The following C1QB variants were observed in gnomAD, a reference collection of about 807,000 sequenced individuals.
C1QB encodes the protein complement C1q subcomponent subunit B.
In C1QB, 2 loss-of-function variants were observed where a neutral mutation model predicts 4.6. The observed-to-expected ratio is 0.43, with a 90% CI of 0.18 to 1.36. The LOEUF is 1.36. Among genes scored for constraint, C1QB ranks in the 40% most tolerant of loss-of-function variants. C1QB has a pLI of 0.28. For missense variants in C1QB, 292 were observed against 338.0 expected (o/e 0.86, Z 1.07); for synonymous variants, 132 against 137.1 (o/e 0.96, Z 0.26).
intron 1 of C1QB, among the ~76,000 whole-genome samples, chr1:22,657,417 T>G (rs1485333390): frequency 6.6e-6 from 1 of 152,240 alleles, no homozygotes; most frequent in African/African-American, 2.4e-5. Context: ...AATGAAGTAC[T>G]GATACATGCT....
At chr1:22,659,689 C>A (rs1317857749) in intron 2 of C1QB, 46 bp downstream of exon 2, 27 of 1,562,418 alleles carry the variant, frequency 1.7e-5, no homozygotes, top group Non-Finnish European at 2.3e-5. Context: ...ACCAAATTTC[C>A]CGTCTCCTGC....
intron 1 of C1QB, among the ~76,000 whole-genome samples, chr1:22,657,022 T>G (rs960310901): frequency 6.6e-6 from 1 of 152,170 alleles, no homozygotes; most frequent in African/African-American, 2.4e-5. Context: ...CCGAGGAACC[T>G]CCTCGTGTTC....
chr1:22,654,050 G>T (rs1381936600), intron 1 of C1QB: 1 of 152,290 alleles, frequency 6.6e-6, no homozygotes, highest in African/African-American at 2.4e-5. Context: ...GCTCAGAGAG[G>T]TTAAGGCACT....
At position 22,658,800 on chromosome 1, in the gene C1QB, A is replaced by G. The variant is rs569184832; in HGVS notation, c.-23-640A>G. Among the ~76,000 whole-genome samples, 6 of 151,240 alleles carry G rather than the reference A, an allele frequency of 4.0e-5. No individual in the cohort carries two copies. In the South Asian group the frequency reaches 1.0e-3, roughly 26 times the overall value. ...GATGCAGGGGCAGAAGGATGGATGG[A>G]TGGATGGATGGAGGGTGGATGGATG... On this transcript the variant is annotated intron_variant, in intron 1 of 2. Transcript: ENST00000509305.
In C1QB at chr1:22,660,971, A is replaced by T. The variant is rs1307307662; in HGVS notation, c.341A>T (p.Tyr114Phe). Residue 114 changes from tyrosine (Y) to phenylalanine (F), a missense_variant, in exon 3 of 3, where the codon TAC becomes TTC. By Grantham distance (22) the Tyr-to-Phe change is conservative. Transcript: ENST00000509305. ...GGCCCCAAAGGTGAATCGGGAGACT[A>T]CAAGGCCACCCAGAAAATCGCCTTC... ...APGPKGESGDYKATQKIAFSA... is the reference protein window; with the variant it reads ...APGPKGESGDFKATQKIAFSA... 5 of 1,613,866 alleles carry T rather than the reference A, an allele frequency of 3.1e-6. No individual in the cohort carries two copies. Among genetic ancestry groups the T allele is most frequent in the Non-Finnish European group, 4.2e-6 (5 of 1,179,988 alleles).
At chr1:22,659,346 AGATGGATGGATGGATGGATG>A (rs140338008) in intron 1 of C1QB, 74 bp from the exon 2 acceptor site, 23 of 859,764 alleles carry the variant, frequency 2.7e-5, no homozygotes, top group African/African-American at 2.0e-4. Flanking sequence ...AGGAATAGAG[AGATGGATGGATGGATGGATG>A]GATGGATGGA....
At chr1:22,654,850 A>T (rs529548076) in intron 1 of C1QB, among the ~76,000 whole-genome samples, 1 of 152,232 alleles carries the variant, frequency 6.6e-6, no homozygotes, top group Non-Finnish European at 1.5e-5. Context: ...AACACTGACC[A>T]TGTGCCTACC....
intron 1 of C1QB, 47 bp from the exon 2 acceptor site, chr1:22,659,386 GGATGGAT>G: frequency 6.7e-7 from 1 of 1,482,868 alleles, no homozygotes; most frequent in Non-Finnish European, 9.4e-7. Flanking sequence ...ATGGATGGAT[GGATGGAT>G]GATAGGATCA....
intron 2 of C1QB, 149 bp from the exon 3 acceptor site, chr1:22,660,663 G>A: frequency 1.3e-6 from 1 of 764,186 alleles, no homozygotes; most frequent in Non-Finnish European, 2.2e-6. Flanking sequence ...GCTGGAGGGA[G>A]ACCCAGAGCC....
rs1412378683 is a variant in C1QB at position 22,660,943 on chromosome 1, C to T, written c.313C>T (p.Pro105Ser). The stretch of plus-strand genomic sequence containing the variant: ...AGGTGGCCCAGGGGCCCCTGGAGCC[C>T]CAGGCCCCAAAGGTGAATCGGGAGA... ...PKGGPGAPGA[P>S]GPKGESGDYK... Residue 105 changes from proline (P) to serine (S), a missense_variant, in exon 3 of 3, where the codon CCA becomes TCA. Coordinates refer to ENST00000509305, the MANE Select transcript of C1QB (RefSeq NM_001378156.1). 1 of 1,613,602 alleles carries T rather than the reference C, an allele frequency of 6.2e-7. No individual in the cohort carries two copies. Among genetic ancestry groups the T allele is most frequent in the Non-Finnish European group, 8.5e-7 (1 of 1,179,856 alleles).
chr1:22,660,350 C>T (rs960627095), intron 2 of C1QB, among the ~76,000 whole-genome samples: 26 of 152,148 alleles, frequency 1.7e-4, no homozygotes, highest in Non-Finnish European at 2.2e-4. Flanking sequence ...ACTGGAAAAT[C>T]GGTCTTATCT....
intron 1 of C1QB, among the ~76,000 whole-genome samples, 156 bp from the exon 2 acceptor site, chr1:22,659,276 AGATGGAGG>A: frequency 7.8e-6 from 1 of 128,124 alleles, no homozygotes; most frequent in Non-Finnish European, 1.6e-5. Context: ...GGACGGATGC[AGATGGAGG>A]GATAGAGAGA....
intron 1 of C1QB, among the ~76,000 whole-genome samples, chr1:22,658,742 G>C (rs1002952705): frequency 6.6e-6 from 1 of 152,000 alleles, no homozygotes; most frequent in Non-Finnish European, 1.5e-5. Context: ...ATGGATGAAC[G>C]GATGGATGGA....
chr1:22,655,768 G>T (rs763716253), intron 1 of C1QB, among the ~76,000 whole-genome samples: 1 of 152,170 alleles, frequency 6.6e-6, no homozygotes, highest in Non-Finnish European at 1.5e-5. Flanking sequence ...CCCATCCATG[G>T]TCTCACCTGG....
At chr1:22,655,786 T>C (rs1316076477) in intron 1 of C1QB, among the ~76,000 whole-genome samples, 1 of 152,166 alleles carries the variant, frequency 6.6e-6, no homozygotes, top group African/African-American at 2.4e-5. Flanking sequence ...TGGGTCCCTG[T>C]GGCCACTCTG....
Position 22,661,476 on chromosome 1 carries a change from C to T in C1QB, c.*90C>T. On this transcript the variant is annotated 3_prime_UTR_variant, in exon 3 of 3. Coordinates refer to ENST00000509305, the MANE Select transcript of C1QB (RefSeq NM_001378156.1). ...CCACCCCTTGCCCAACCAATGCACA[C>T]AGTAGGGCTTGGTGAATGCTGCTGA... is the stretch of plus-strand genomic sequence containing the variant. 6.9e-7 allele frequency: 1 copy of T among 1,442,378 alleles called. No homozygotes were observed. Among genetic ancestry groups the T allele is most frequent in the Non-Finnish European group, 9.7e-7 (1 of 1,030,270 alleles). 89.3% of individuals were successfully genotyped at this position (1,442,378 alleles called of 1,614,324 possible).
chr1:22,655,466 C>A (rs1180141844), intron 1 of C1QB, among the ~76,000 whole-genome samples: 3 of 149,246 alleles, frequency 2.0e-5, no homozygotes, highest in Non-Finnish European at 4.4e-5. Flanking sequence ...TATCAGTAGG[C>A]CTTGTCTGGT....
chr1:22,660,897 C>A lies in C1QB; in HGVS notation c.267C>A (p.Pro89=). ...CTGGGAATCCAGGAAAAGTCGGCCC[C>A]AAGGGCCCCATGGGCCCTAAAGGTG... ...GIPGNPGKVG[P]KGPMGPKGGP... is the part of the protein sequence containing the mutation. Residue 89 remains proline (P), a synonymous_variant, in exon 3 of 3, where the codon CCC becomes CCA. Coordinates refer to ENST00000509305, the MANE Select transcript of C1QB (RefSeq NM_001378156.1). 1 of 1,613,168 alleles carries A rather than the reference C, an allele frequency of 6.2e-7. No homozygotes were observed. The highest frequency in any genetic ancestry group is 8.5e-7 in the Non-Finnish European group (1 of 1,179,718).
At chr1:22,657,826 C>A (rs913141416) in intron 1 of C1QB, among the ~76,000 whole-genome samples, 5 of 152,182 alleles carry the variant, frequency 3.3e-5, no homozygotes, top group Non-Finnish European at 7.4e-5. Flanking sequence ...GAGCTAATGG[C>A]ATGGAACACT....
Sources: allele counts gnomAD v4.1 joint callset (sites outside exome capture counted in the v4.1 genomes callset), GRCh38; gene constraint gnomAD v4.1.1; transcripts MANE v1.5; gene names NCBI Gene and HGNC (gene_info 2026-07-23, HGNC 2026-07-21).